PALM2AKAP2: variants seen among roughly 807,000 people sequenced by gnomAD.
PALM2AKAP2 encodes the protein PALM2 and AKAP2 fusion.
PALM2AKAP2 carries 37 observed loss-of-function variants against 71.5 expected under a neutral mutation model. The observed-to-expected ratio is 0.52, with a 90% CI of 0.40 to 0.68. The LOEUF is 0.68. Ranked by LOEUF, PALM2AKAP2 falls within the 30% of genes least tolerant of loss-of-function variation. The pLI, the probability that PALM2AKAP2 is intolerant of heterozygous loss-of-function variation, is 0.00. For missense variants in PALM2AKAP2, 1,224 were observed against 1,191.8 expected (o/e 1.03, Z -0.40); for synonymous variants, 468 against 478.8 (o/e 0.98, Z 0.29).
chr9:110,089,268 A>G (rs1332041132), intron 1 of PALM2AKAP2, among the ~76,000 whole-genome samples: 2 of 152,238 alleles, frequency 1.3e-5, no homozygotes, highest in Non-Finnish European at 2.9e-5. Flanking sequence ...CTTGTTGAAA[A>G]TGGGGCTGAA....
At chr9:110,122,747 C>T (rs1226419793) in intron 1 of PALM2AKAP2, among the ~76,000 whole-genome samples, 1 of 152,186 alleles carries the variant, frequency 6.6e-6, no homozygotes, top group Non-Finnish European at 1.5e-5. Flanking sequence ...GGCTTCTTTT[C>T]CCCCAGGGCA....
intron 1 of PALM2AKAP2, among the ~76,000 whole-genome samples, chr9:110,082,276 A>C (rs1834466818): frequency 6.6e-6 from 1 of 152,122 alleles, no homozygotes; most frequent in East Asian, 1.9e-4. Flanking sequence ...GGCTGGTCTC[A>C]AACTCCTGAC....
chr9:109,764,893 A>C (rs1010940654), intron 1 of PALM2AKAP2, among the ~76,000 whole-genome samples: 2 of 152,232 alleles, frequency 1.3e-5, no homozygotes, highest in Non-Finnish European at 2.9e-5. Context: ...TAAAGCTAGG[A>C]CCATCTGTGA....
chr9:110,141,508 T>C (rs1646156462), intron 2 of PALM2AKAP2, among the ~76,000 whole-genome samples: 1 of 152,266 alleles, frequency 6.6e-6, no homozygotes. Flanking sequence ...TTCCTGTTCA[T>C]GCCTGGAAAT....
At chr9:109,779,650 A>G (rs1829401866), upstream of PALM2AKAP2, among the ~76,000 whole-genome samples, 1 of 152,242 alleles carries the variant, frequency 6.6e-6, no homozygotes, top group Non-Finnish European at 1.5e-5. Context: ...TTTTAAGGCC[A>G]CATATCGCCT....
intron 1 of PALM2AKAP2, among the ~76,000 whole-genome samples, chr9:109,846,225 G>A (rs1828850928): frequency 1.3e-5 from 2 of 152,172 alleles, no homozygotes; most frequent in South Asian, 2.1e-4. Context: ...GAGTAGCAAA[G>A]GAGAAATCCA....
At chr9:110,076,915 C>T (rs938579372) in intron 1 of PALM2AKAP2, among the ~76,000 whole-genome samples, 6 of 152,142 alleles carry the variant, frequency 3.9e-5, no homozygotes, top group Non-Finnish European at 8.8e-5. Context: ...ATGTTTATTT[C>T]GTGGGCAATT....
intron 6 of PALM2AKAP2, among the ~76,000 whole-genome samples, chr9:109,984,139 C>G (rs1418197334): frequency 6.6e-6 from 1 of 151,918 alleles, no homozygotes; most frequent in African/African-American, 2.4e-5. Context: ...ACTTTGAGAC[C>G]CTTAACCCTA....
intron 1 of PALM2AKAP2, among the ~76,000 whole-genome samples, chr9:109,841,421 T>G (rs1389264477): frequency 2.8e-5 from 4 of 142,068 alleles, no homozygotes; most frequent in African/African-American, 1.1e-4. Flanking sequence ...ATGTAAATGA[T>G]GAGTTAATGG....
chr9:109,676,257 T>A (rs1053254692), intron 1 of PALM2AKAP2, among the ~76,000 whole-genome samples: 3 of 152,192 alleles, frequency 2.0e-5, no homozygotes, highest in Non-Finnish European at 4.4e-5. Context: ...AAGGCATGTA[T>A]TCTATGATCT....
Position 109,846,019 on chromosome 9 carries a change from G to T in PALM2AKAP2, c.46-21472G>T, listed in dbSNP as rs188582474. Among the ~76,000 whole-genome samples the T allele has an allele frequency of 2.0e-5, 3 of 152,342 alleles. No individual in the cohort carries two copies. The East Asian group carries it at 5.8e-4, about 29-fold the overall frequency. ...ATTATGATAAGCACAAATAAGCAGA[G>T]AATACATTGATGTGATACAGAGGGC... is the stretch of plus-strand genomic sequence containing the variant. On this transcript the variant is annotated intron_variant, in intron 1 of 9. Transcript: ENST00000302798.
rs544798758 is a variant in PALM2AKAP2, at chr9:110,003,243, G to A, written c.497-12711G>A. 3.4e-3 allele frequency among the ~76,000 whole-genome samples: 518 copies of A among 151,958 alleles called. 1 individual carries two copies. Among genetic ancestry groups the A allele is most frequent in the African/African-American group, 0.011 (475 of 41,382 alleles). On this transcript the variant is annotated intron_variant, in intron 6 of 9. Transcript: ENST00000302798. ...TCTGGTATGTTGTGTCTTTGTTCTC[G>A]TTGGTTTCAAAGAACATCTTTATTT...
At position 109,695,373 on chromosome 9, in the gene PALM2AKAP2, C is replaced by T. The variant is rs571122936; in HGVS notation, c.5+54507C>T. 1.4e-4 allele frequency among the ~76,000 whole-genome samples: 21 copies of T among 152,244 alleles called. No homozygotes were observed. In the South Asian group the frequency reaches 4.4e-3, roughly 32 times the overall value. Reference sequence around the variant, plus strand: ...CTATTTTTAGTTTTTTGAGAAACCTCCATACTGTTTTCTATGGTGGCTGTA... The same window carrying T: ...CTATTTTTAGTTTTTTGAGAAACCTTCATACTGTTTTCTATGGTGGCTGTA... On this transcript the variant is annotated intron_variant, in intron 1 of 6. Transcript: ENST00000374531.
At chr9:109,944,099 A>G (rs543313028) in intron 6 of PALM2AKAP2, 1 of 152,716 alleles carries the variant, frequency 6.5e-6, no homozygotes, top group East Asian at 1.9e-4. Flanking sequence ...TAACCTGCCC[A>G]TCAGCGGTTG....
chr9:110,165,826 G>T (rs548908850), intron 3 of PALM2AKAP2, among the ~76,000 whole-genome samples: 1 of 152,336 alleles, frequency 6.6e-6, no homozygotes, highest in Admixed American at 6.5e-5. Context: ...TAATAAATAT[G>T]TGTAAATTGG....
intron 1 of PALM2AKAP2, among the ~76,000 whole-genome samples, chr9:109,829,798 C>A (rs1416268155): frequency 6.6e-6 from 1 of 151,982 alleles, no homozygotes; most frequent in African/African-American, 2.4e-5. Flanking sequence ...ATTAAAAAAT[C>A]AGTCGATCCT....
intron 1 of PALM2AKAP2, among the ~76,000 whole-genome samples, chr9:109,686,042 GTCCAT>G: frequency 6.6e-6 from 1 of 152,104 alleles, no homozygotes; most frequent in African/African-American, 2.4e-5. Context: ...GCAACTCTCT[GTCCAT>G]TCAAGTTTGA....
At chr9:110,070,340 T>G (rs1834175684) in intron 1 of PALM2AKAP2, among the ~76,000 whole-genome samples, 1 of 152,248 alleles carries the variant, frequency 6.6e-6, no homozygotes, top group South Asian at 2.1e-4. Flanking sequence ...CTTCTCTTTC[T>G]ACTTTAAACT....
At chr9:109,725,283 C>G (rs1206050377) in intron 1 of PALM2AKAP2, among the ~76,000 whole-genome samples, 1 of 152,106 alleles carries the variant, frequency 6.6e-6, no homozygotes, top group African/African-American at 2.4e-5. Flanking sequence ...TTTTGTTCAT[C>G]ATGGACTTTT....
Sources: gnomAD v4.1 joint callset for allele counts (sites outside exome capture counted in the v4.1 genomes callset) on GRCh38, gnomAD v4.1.1 for gene constraint, MANE v1.5 for transcripts, NCBI Gene and HGNC (gene_info 2026-07-23, HGNC 2026-07-21) for gene names.